The following PODN variants were observed in gnomAD, a reference collection of about 807,000 sequenced individuals.
PODN encodes the protein podocan, also known as podocan proteoglycan.
Under a neutral mutation model 52.7 loss-of-function variants are expected in PODN, and 40 were observed. The ratio of observed to expected loss-of-function variants is 0.76; its 90% CI spans 0.59 to 0.99. The LOEUF is 0.99. PODN is among the 50% of genes least tolerant of loss of function. The pLI is 0.00. For synonymous variants in PODN, 396 were observed against 377.9 expected (o/e 1.05, Z -0.56); for missense variants, 720 against 815.1 (o/e 0.88, Z 1.42).
At position 53,070,050 on chromosome 1, in the gene PODN, G is replaced by A. The variant is rs527951749; in HGVS notation, c.195G>A (p.Ala65=). The A allele has an allele frequency of 2.2e-5, 35 of 1,612,976 alleles. No individual in the cohort carries two copies. In the South Asian group the frequency reaches 2.4e-4, roughly 11 times the overall value. The part of the protein sequence containing the change: ...SPEEPGPGPA[A]VSCPRDCACS... Reference sequence around the variant, plus strand: ...AGGAGCCCGGGCCTGGCCCAGCCGCGGTCAGCTGCCCCCGAGACTGTGCCT... The same window carrying A: ...AGGAGCCCGGGCCTGGCCCAGCCGCAGTCAGCTGCCCCCGAGACTGTGCCT... The change falls in exon 2 of 11, where the codon GCG becomes GCA. Residue 65 remains alanine, a synonymous_variant. Transcript: ENST00000312553.
At position 53,082,043 on chromosome 1, in the gene PODN, A is replaced by C; in HGVS notation, c.1724A>C (p.Gln575Pro). The C allele has an allele frequency of 6.2e-7, 1 of 1,613,788 alleles. No individual in the cohort carries two copies. Among genetic ancestry groups the C allele is most frequent in the Non-Finnish European group, 8.5e-7 (1 of 1,179,866 alleles). The change falls in exon 10 of 11, where the codon CAG becomes CCG. Residue 575 changes from glutamine (Q) to proline (P), a missense_variant. Gln to Pro is a moderately conservative substitution (Grantham distance 76). Coordinates refer to ENST00000312553, the MANE Select transcript of PODN (RefSeq NM_153703.5). ...DSAFRRLKHL[Q>P]VLDIEGNLEF... is the part of the protein sequence containing the mutation. ...GCCTTCCGGAGGCTGAAGCACCTGC[A>C]GGTCTTGGACATTGAAGGCAACTTA...
intron 1 of PODN, chr1:53,066,993 A>C (rs1433687299): frequency 1.7e-5 from 16 of 939,068 alleles, no homozygotes; most frequent in Non-Finnish European, 4.8e-6. Context: ...CCCGGACTAC[A>C]GTGGGGTCAG....
At chr1:53,069,697 A>G (rs1044353746) in intron 1 of PODN, 104 bp from the exon 2 acceptor site, 36 of 1,444,962 alleles carry the variant, frequency 2.5e-5, no homozygotes, top group Non-Finnish European at 3.3e-5. Flanking sequence ...GCAGTCAGTC[A>G]TCGGCTGGGC....
intron 3 of PODN, among the ~76,000 whole-genome samples, chr1:53,074,062 G>A (rs1225162846): frequency 3.3e-5 from 5 of 152,250 alleles, no homozygotes; most frequent in African/African-American, 1.2e-4. Flanking sequence ...TTAGATATGT[G>A]GGTGAGGTCC....
intron 1 of PODN, among the ~76,000 whole-genome samples, chr1:53,066,100 ATCC>A (rs1557646077): frequency 6.9e-6 from 1 of 144,922 alleles, no homozygotes; most frequent in Non-Finnish European, 1.5e-5. Context: ...GGCTCAGGTG[ATCC>A]TCCCACTTCA....
chr1:53,073,895 C>G (rs1174749911), intron 3 of PODN: 1 of 152,320 alleles, frequency 6.6e-6, no homozygotes, highest in East Asian at 1.9e-4. Context: ...CGTGGCTGAA[C>G]ACATGCTATG....
Position 53,078,428 on chromosome 1 carries a change from G to A in PODN, c.918G>A (p.Gly306=). ...ACAACCTGTCTCGGGTCCCAGCTGGGCTGCCGCGCAGCCTGGTGCTGCTGC... is the reference window on the plus strand; with the variant it reads ...ACAACCTGTCTCGGGTCCCAGCTGGACTGCCGCGCAGCCTGGTGCTGCTGC... ...SSNNLSRVPA[G]LPRSLVLLHL... is the part of the protein sequence containing the mutation. Residue 306 remains glycine, a synonymous_variant, in exon 8 of 11, where the codon GGG becomes GGA. Transcript: ENST00000312553. 6.2e-7 allele frequency: 1 copy of A among 1,613,542 alleles called. No homozygotes were observed. Among genetic ancestry groups the A allele is most frequent in the Non-Finnish European group, 8.5e-7 (1 of 1,180,032 alleles).
At chr1:53,083,175 A>G (rs1337108571) in intron 10 of PODN, among the ~76,000 whole-genome samples, 1 of 152,204 alleles carries the variant, frequency 6.6e-6, no homozygotes, top group Non-Finnish European at 1.5e-5. Context: ...ACTGCAGACC[A>G]GCCTTTTGAG....
At chr1:53,083,515 G>A (rs1031717403) in intron 10 of PODN, among the ~76,000 whole-genome samples, 3 of 152,222 alleles carry the variant, frequency 2.0e-5, no homozygotes, top group African/African-American at 7.2e-5. Flanking sequence ...GCTGTCACAG[G>A]CAGATTGGTG....
intron 7 of PODN, among the ~76,000 whole-genome samples, chr1:53,078,112 G>A (rs1011953881): frequency 6.6e-6 from 1 of 152,196 alleles, no homozygotes; most frequent in Non-Finnish European, 1.5e-5. Flanking sequence ...GACCAGGGTA[G>A]CCATAAAAGG....
In PODN at chr1:53,078,756, A is replaced by G; in HGVS notation, c.1246A>G (p.Ile416Val). The G allele has an allele frequency of 6.2e-7, 1 of 1,613,414 alleles. No individual in the cohort carries two copies. Among genetic ancestry groups the G allele is most frequent in the African/African-American group, 1.3e-5 (1 of 75,072 alleles). ...LEELNLSYNR[I>V]TSPQVHRDAF... Reference sequence around the variant, plus strand: ...GGAGCTCAACCTCAGCTACAACCGCATCACCAGCCCGCAGGTGCACCGCGA... The same window carrying G: ...GGAGCTCAACCTCAGCTACAACCGCGTCACCAGCCCGCAGGTGCACCGCGA... Residue 416 changes from isoleucine (I) to valine (V), a missense_variant, in exon 8 of 11, where the codon ATC becomes GTC. Coordinates refer to ENST00000312553, the MANE Select transcript of PODN (RefSeq NM_153703.5).
intron 1 of PODN, 127 bp downstream of exon 1, chr1:53,062,435 C>A (rs1553157722): frequency 9.1e-6 from 6 of 657,786 alleles, no homozygotes; most frequent in African/African-American, 1.9e-5. Context: ...GCATCTCACC[C>A]CCTCTGTAGG....
chr1:53,067,328 C>G (rs925010167), intron 1 of PODN, among the ~76,000 whole-genome samples: 1 of 151,970 alleles, frequency 6.6e-6, no homozygotes, highest in South Asian at 2.1e-4. Flanking sequence ...TCCTTGGGAC[C>G]CCTTTTACGC....
At chr1:53,077,586 C>T (rs1294302381) in intron 6 of PODN, 99 bp from the exon 7 acceptor site, 1 of 1,279,810 alleles carries the variant, frequency 7.8e-7, no homozygotes, top group Non-Finnish European at 1.1e-6. Flanking sequence ...GGGTGCCTTC[C>T]TGGTGGCTTC....
chr1:53,068,742 T>C (rs1307211155), intron 1 of PODN, among the ~76,000 whole-genome samples: 2 of 152,124 alleles, frequency 1.3e-5, no homozygotes, highest in Non-Finnish European at 1.5e-5. Flanking sequence ...AGCCCAGAGA[T>C]GTCTGAGTCC....
At chr1:53,065,246 C>G (rs1358156968) in intron 1 of PODN, among the ~76,000 whole-genome samples, 1 of 152,134 alleles carries the variant, frequency 6.6e-6, no homozygotes, top group East Asian at 1.9e-4. Context: ...GTTTCAGCTA[C>G]TCGGGAGGCT....
intron 1 of PODN, among the ~76,000 whole-genome samples, chr1:53,062,769 C>T (rs1296479724): frequency 6.6e-6 from 1 of 152,238 alleles, no homozygotes; most frequent in Admixed American, 6.5e-5. Context: ...CAACCTCCAC[C>T]TCTTTATAGA....
intron 1 of PODN, chr1:53,063,602 C>G: frequency 2.0e-6 from 2 of 984,432 alleles, no homozygotes; most frequent in Non-Finnish European, 2.4e-6. Context: ...TGGGAAAGAC[C>G]AGGGGGGACT....
In PODN at chr1:53,078,818, C is replaced by G. The variant is rs776888711; in HGVS notation, c.1308C>G (p.Asp436Glu). Residue 436 changes from aspartate to glutamate, a missense_variant, in exon 8 of 11, where the codon GAC (aspartate) becomes GAG (glutamate). Coordinates refer to ENST00000312553, the MANE Select transcript of PODN (RefSeq NM_153703.5). Reference protein sequence around the residue: ...FRKLRLLRSLDLSGNRLHTLP... With the variant: ...FRKLRLLRSLELSGNRLHTLP... ...AGCTGCGCCTGCTGCGCTCGCTGGACCTGTCGGGCAACCGGCTGCACACGC... is the reference window on the plus strand; with the variant it reads ...AGCTGCGCCTGCTGCGCTCGCTGGAGCTGTCGGGCAACCGGCTGCACACGC... The G allele has an allele frequency of 1.2e-6, 2 of 1,612,938 alleles. No individual in the cohort carries two copies. Among genetic ancestry groups the G allele is most frequent in the Non-Finnish European group, 1.7e-6 (2 of 1,179,774 alleles).
Sources: gnomAD v4.1 joint callset for allele counts (sites outside exome capture counted in the v4.1 genomes callset) on GRCh38, gnomAD v4.1.1 for gene constraint, MANE v1.5 for transcripts, NCBI Gene and HGNC (gene_info 2026-07-23, HGNC 2026-07-21) for gene names.